The following PCDH17 variants were observed in gnomAD, a reference collection of about 807,000 sequenced individuals.
PCDH17 encodes protocadherin 17, also known as protocadherin-17.
In PCDH17, 21 loss-of-function variants were observed where a neutral mutation model predicts 67.7. The observed-to-expected ratio is 0.31, with a 90% CI of 0.22 to 0.45. The LOEUF (loss-of-function observed/expected upper bound fraction) is 0.45, where lower values mean the gene tolerates loss of function less well. Ranked by LOEUF, PCDH17 falls within the 20% of genes least tolerant of loss-of-function variation. The pLI, the probability that PCDH17 is intolerant of heterozygous loss-of-function variation, is 1.00. For missense variants in PCDH17, 1,471 were observed against 1,564.8 expected (o/e 0.94, Z 1.01); for synonymous variants, 701 against 656.7 (o/e 1.07, Z -1.03).
chr13:57,661,716 A>G (rs1182213620), intron 1 of PCDH17, among the ~76,000 whole-genome samples: 1 of 152,160 alleles, frequency 6.6e-6, no homozygotes, highest in Admixed American at 6.6e-5. Context: ...TGAATTATAT[A>G]TTGAATCGTC....
In PCDH17 at chr13:57,678,050, A is replaced by G. The variant is rs187578705; in HGVS notation, c.2797+11217A>G. Among the ~76,000 whole-genome samples the G allele has an allele frequency of 2.0e-4, 31 of 151,786 alleles. No individual in the cohort carries two copies. The East Asian group carries it at 5.9e-3, about 29-fold the overall frequency. ...TTCTTGAAGAATGCAGAGACTGTGG[A>G]TGTTAAGTGTTCTCCCTACATAATA... On this transcript the variant is annotated intron_variant, in intron 3 of 3. Transcript: ENST00000377918.
chr13:57,705,077 G>T (rs1341358995), intron 3 of PCDH17, among the ~76,000 whole-genome samples: 1 of 151,796 alleles, frequency 6.6e-6, no homozygotes, highest in African/African-American at 2.4e-5. Context: ...TTTATTTCAT[G>T]AAATAGAATG....
intron 3 of PCDH17, among the ~76,000 whole-genome samples, chr13:57,692,853 T>C (rs938544552): frequency 1.3e-5 from 2 of 151,230 alleles, no homozygotes; most frequent in African/African-American, 2.4e-5. Flanking sequence ...TCATATATTA[T>C]GTATTTTCAG....
intron 3 of PCDH17, among the ~76,000 whole-genome samples, chr13:57,691,474 AC>A (rs1452669795): frequency 6.6e-6 from 1 of 151,248 alleles, no homozygotes; most frequent in African/African-American, 2.4e-5. Flanking sequence ...GACCAAAAAA[AC>A]ATAAGGACCA....
rs1017918514 is a variant in PCDH17, at chr13:57,634,922, C to T, written c.2376C>T (p.Ala792=). 4.3e-6 allele frequency: 7 copies of T among 1,613,730 alleles called. No individual in the cohort carries two copies. Among genetic ancestry groups the T allele is most frequent in the South Asian group, 1.1e-5 (1 of 91,052 alleles). The change falls in exon 1 of 4, where the codon GCC becomes GCT. Residue 792 remains alanine, a synonymous_variant. Transcript: ENST00000377918. The surrounding 1 kb of genome is among the most constrained non-coding windows in gnomAD (Gnocchi z 7.8). The part of the protein sequence containing the change: ...VMNVVSSPSL[A]TSPMYFDYQT... The stretch of plus-strand genomic sequence containing the variant: ...ACGTGGTGAGCAGCCCCTCCCTGGC[C>T]ACCTCCCCCATGTACTTCGACTACC...
chr13:57,653,028 C>G (rs1197811624), intron 1 of PCDH17, among the ~76,000 whole-genome samples: 2 of 152,096 alleles, frequency 1.3e-5, no homozygotes, highest in African/African-American at 2.4e-5. Flanking sequence ...AAATAGGAAC[C>G]TGGCAGTAGT....
At chr13:57,675,984 A>G (rs933441207) in intron 3 of PCDH17, among the ~76,000 whole-genome samples, 3 of 151,944 alleles carry the variant, frequency 2.0e-5, no homozygotes, top group Non-Finnish European at 4.4e-5. Context: ...CACTACTTTT[A>G]TAATGATAAT....
intron 3 of PCDH17, among the ~76,000 whole-genome samples, chr13:57,687,086 G>A (rs1285126048): frequency 6.6e-6 from 1 of 151,998 alleles, no homozygotes; most frequent in East Asian, 1.9e-4. Context: ...ATTCAGAATG[G>A]TTAAATAATA....
chr13:57,669,947 T>C (rs776511936), intron 3 of PCDH17, among the ~76,000 whole-genome samples: 4 of 152,062 alleles, frequency 2.6e-5, no homozygotes, highest in Non-Finnish European at 5.9e-5. Flanking sequence ...CTGTATTTTG[T>C]TCAGTACCTG....
At chr13:57,694,761 G>A (rs1184244140) in intron 3 of PCDH17, among the ~76,000 whole-genome samples, 1 of 151,018 alleles carries the variant, frequency 6.6e-6, no homozygotes, top group African/African-American at 2.4e-5. Flanking sequence ...AACAGTTACA[G>A]TATATGATAC....
In PCDH17 at chr13:57,729,084, C is replaced by T. The variant is rs994540144; in HGVS notation, c.*3790C>T. The T allele has an allele frequency of 9.2e-5, 14 of 152,020 alleles. No individual in the cohort carries two copies. The highest frequency in any genetic ancestry group is 3.3e-4 in the Admixed American group (5 of 15,240). The allele number at this position is 152,020 out of a possible 1,614,324, so 9.4% of individuals were successfully genotyped here. A position where few individuals can be genotyped will look rare whatever the true frequency, so the allele number is the denominator to read the frequency against. ...GATTCTAAATATTATTGAATGAGAC[C>T]TGATTAAAGTCTGACTTTCCTGGCC... On this transcript the variant is annotated 3_prime_UTR_variant, in exon 4 of 4. Coordinates refer to ENST00000377918, the MANE Select transcript of PCDH17 (RefSeq NM_001040429.3).
At chr13:57,702,204 A>C (rs2138076963) in intron 3 of PCDH17, among the ~76,000 whole-genome samples, 1 of 152,252 alleles carries the variant, frequency 6.6e-6, no homozygotes, top group Non-Finnish European at 1.5e-5. Flanking sequence ...GGCGTGAGCC[A>C]CCATGCCCAG....
At chr13:57,675,517 A>G (rs1159600432) in intron 3 of PCDH17, among the ~76,000 whole-genome samples, 4 of 151,972 alleles carry the variant, frequency 2.6e-5, no homozygotes, top group Admixed American at 1.3e-4. Context: ...ATTCATGTAG[A>G]ATGAAAACCC....
intron 3 of PCDH17, among the ~76,000 whole-genome samples, chr13:57,710,274 A>T (rs1476952140): frequency 6.6e-6 from 1 of 151,930 alleles, no homozygotes; most frequent in East Asian, 1.9e-4. Context: ...TCAATTACAC[A>T]TCATATTAGC....
chr13:57,641,614 A>ATG (rs1954905685), intron 1 of PCDH17, among the ~76,000 whole-genome samples: 2 of 130,320 alleles, frequency 1.5e-5, no homozygotes, highest in Non-Finnish European at 3.3e-5. Context: ...ATATATATAT[A>ATG]TATATATATG....
At chr13:57,691,518 A>G (rs1276148067) in intron 3 of PCDH17, among the ~76,000 whole-genome samples, 1 of 151,292 alleles carries the variant, frequency 6.6e-6, no homozygotes, top group Admixed American at 6.6e-5. Flanking sequence ...TAAACCAAGT[A>G]TTATTCTATT....
Position 57,634,578 on chromosome 13 carries a change from A to G in PCDH17, c.2032A>G (p.Lys678Glu). Residue 678 changes from lysine to glutamate, a missense_variant, in exon 1 of 4, where the codon AAG becomes GAG. Physicochemically the swap from Lys to Glu is moderately conservative, Grantham distance 56 (BLOSUM62 1). Around this residue, in one of 3 missense-constraint regions of PCDH17, gnomAD observed 1,163 missense variants for 1,230.0 expected, o/e 0.95. Transcript: ENST00000377918. The surrounding 1 kb of genome is among the most constrained non-coding windows in gnomAD (Gnocchi z 7.8). ...HGKPTLSAVAKLIIRSVSGSL... is the reference protein window; with the variant it reads ...HGKPTLSAVAELIIRSVSGSL... ...CAAGCCTACCCTGTCCGCAGTGGCC[A>G]AGCTCATCATCCGCTCGGTGAGCGG... 1 of 1,613,334 alleles carries G rather than the reference A, an allele frequency of 6.2e-7. No homozygotes were observed. The highest frequency in any genetic ancestry group is 8.5e-7 in the Non-Finnish European group (1 of 1,179,998).
At chr13:57,657,595 T>C (rs1046922801) in intron 1 of PCDH17, among the ~76,000 whole-genome samples, 3 of 152,196 alleles carry the variant, frequency 2.0e-5, no homozygotes, top group African/African-American at 4.8e-5. Context: ...AGTGAATTAT[T>C]CACCTCTTAA....
At chr13:57,706,850 T>C (rs993362430) in intron 3 of PCDH17, among the ~76,000 whole-genome samples, 3 of 152,120 alleles carry the variant, frequency 2.0e-5, no homozygotes, top group African/African-American at 7.2e-5. Context: ...CATCCTTGGC[T>C]CTGTTTCCAA....
Sources: gnomAD v4.1 joint callset for allele counts (sites outside exome capture counted in the v4.1 genomes callset) on GRCh38, gnomAD v4.1.1 for gene constraint, gnomAD v4.1.1 regional missense constraint, Gnocchi (gnomAD v3.1) non-coding constraint, MANE v1.5 for transcripts, NCBI Gene and HGNC (gene_info 2026-07-23, HGNC 2026-07-21) for gene names.